USP10: variants seen among roughly 807,000 people sequenced by gnomAD.
USP10 encodes the protein ubiquitin carboxyl-terminal hydrolase 10.
Under a neutral mutation model 84.5 loss-of-function variants are expected in USP10, and 22 were observed. That is an observed-to-expected ratio of 0.26 (90% CI 0.19 to 0.37). The LOEUF is 0.37. Ranked by LOEUF, USP10 falls within the 10% of genes least tolerant of loss-of-function variation. The pLI, the probability that USP10 is intolerant of heterozygous loss-of-function variation, is 1.00. For missense variants in USP10, 1,019 were observed against 998.9 expected (o/e 1.02, Z -0.27); for synonymous variants, 454 against 387.6 (o/e 1.17, Z -2.01).
chr16:84,733,597 A>G (rs1343384424), intron 2 of USP10, 94 bp downstream of exon 2: 44 of 946,896 alleles, frequency 4.6e-5, no homozygotes, highest in Non-Finnish European at 6.5e-5. Context: ...AAGAATTCCA[A>G]TGTAGAGAAA....
intron 4 of USP10, among the ~76,000 whole-genome samples, chr16:84,755,464 C>T (rs1447734106): frequency 6.6e-6 from 1 of 151,980 alleles, no homozygotes; most frequent in Non-Finnish European, 1.5e-5. Flanking sequence ...CCCACTCCTA[C>T]ACGCTGCCCC....
chr16:84,765,637 A>G (rs1428708804), intron 10 of USP10, among the ~76,000 whole-genome samples: 2 of 152,020 alleles, frequency 1.3e-5, no homozygotes, highest in African/African-American at 4.8e-5. Flanking sequence ...TCCCTTGTCT[A>G]TATATACACA....
In USP10 at chr16:84,768,051, G is replaced by T. The variant is rs568010157; in HGVS notation, c.1833-142G>T. On this transcript the variant is annotated intron_variant, in intron 10 of 13. Coordinates refer to ENST00000219473, the MANE Select transcript of USP10 (RefSeq NM_005153.3). ...TTCAGCAGAATTATTTTTAAATTCA[G>T]TATATTTTTGGCTTTTCTCTGTGGT... The T allele has an allele frequency of 2.9e-5, 24 of 818,266 alleles. 1 individual carries two copies. The East Asian group carries it at 6.5e-4, about 22-fold the overall frequency. 50.7% of individuals were successfully genotyped at this position (818,266 alleles called of 1,614,324 possible). A position where few individuals can be genotyped will look rare whatever the true frequency, so the allele number is the denominator to read the frequency against.
intron 9 of USP10, 22 bp downstream of exon 9, chr16:84,763,110 G>T (rs146126424): frequency 6.6e-7 from 1 of 1,523,356 alleles, no homozygotes; most frequent in Non-Finnish European, 9.1e-7. Context: ...TCCACTTGCC[G>T]CAGAGTTGTG....
chr16:84,707,728 G>T (rs2150756387), intron 1 of USP10, among the ~76,000 whole-genome samples: 1 of 152,296 alleles, frequency 6.6e-6, no homozygotes, highest in East Asian at 1.9e-4. Context: ...GGGGATTGTG[G>T]AAGTGCTGCC....
At chr16:84,759,340 G>C in intron 5 of USP10, 23 bp from the exon 6 acceptor site, 3 of 1,607,122 alleles carry the variant, frequency 1.9e-6, no homozygotes, top group Non-Finnish European at 2.6e-6. Context: ...TTTCCTTTAC[G>C]CTTCCTTACT....
In USP10 at chr16:84,744,780, C is replaced by A; in HGVS notation, c.299C>A (p.Thr100Asn). The change falls in exon 4 of 14, where the codon ACC becomes AAC. Residue 100 changes from threonine to asparagine, a missense_variant. Transcript: ENST00000219473. ...CTCGGTTGTACAGCTTCCAAAATAA[C>A]CCCTGATGGTATCACTAAAGAAGCA... is the stretch of plus-strand genomic sequence containing the variant. ...FILGCTASKI[T>N]PDGITKEASY... is the part of the protein sequence containing the mutation. The A allele has an allele frequency of 1.2e-6, 2 of 1,613,696 alleles. No individual in the cohort carries two copies. Among genetic ancestry groups the A allele is most frequent in the East Asian group, 2.2e-5 (1 of 44,884 alleles).
intron 2 of USP10, among the ~76,000 whole-genome samples, chr16:84,734,183 C>G (rs1909602714): frequency 6.6e-6 from 1 of 152,112 alleles, no homozygotes; most frequent in South Asian, 2.1e-4. Context: ...TTTAGTTTCA[C>G]TAGAGACTGC....
Position 84,744,660 on chromosome 16 carries a change from G to A in USP10, c.179G>A (p.Gly60Asp), listed in dbSNP as rs1236527619. 6.2e-7 allele frequency: 1 copy of A among 1,611,052 alleles called. No homozygotes were observed. Reference protein sequence around the residue: ...DGQEYQRIEFGVDEVIEPSDT... With the variant: ...DGQEYQRIEFDVDEVIEPSDT... The stretch of plus-strand genomic sequence containing the variant: ...CAAGAATATCAGAGAATTGAGTTTG[G>A]TGTCGATGAAGTCATTGAACCCAGT... The change falls in exon 4 of 14, where the codon GGT (glycine) becomes GAT (aspartate). Residue 60 changes from glycine (G) to aspartate (D), a missense_variant. This residue lies in a region of USP10 where 787 missense variants were observed against 708.8 expected (regional missense o/e 1.11). Coordinates refer to ENST00000219473, the MANE Select transcript of USP10 (RefSeq NM_005153.3).
rs544454977 is a variant in USP10, at chr16:84,720,878, G to A, written c.22-12557G>A. 1.9e-4 allele frequency among the ~76,000 whole-genome samples: 28 copies of A among 149,438 alleles called. No homozygotes were observed. The South Asian group carries it at 4.9e-3, about 26-fold the overall frequency. ...ATTACAGTCCTGGGCCACCGCGCCC[G>A]GCCAATGATGCACAATTTTTTTTTT... On this transcript the variant is annotated intron_variant, in intron 1 of 13. Coordinates refer to ENST00000219473, the MANE Select transcript of USP10 (RefSeq NM_005153.3).
At chr16:84,723,712 T>G (rs529684494) in intron 1 of USP10, among the ~76,000 whole-genome samples, 3 of 152,262 alleles carry the variant, frequency 2.0e-5, no homozygotes, top group African/African-American at 7.2e-5. Context: ...TCTTGTACTT[T>G]AAAGAAATCA....
intron 10 of USP10, among the ~76,000 whole-genome samples, chr16:84,765,116 G>A (rs1913706597): frequency 6.6e-6 from 1 of 151,082 alleles, no homozygotes; most frequent in African/African-American, 2.4e-5. Flanking sequence ...TTTGGTAAGA[G>A]AAGACAGTGT....
At position 84,702,388 on chromosome 16, in the gene USP10, A is replaced by G. The variant is rs538406317; in HGVS notation, c.21+2277A>G. 3.9e-5 allele frequency among the ~76,000 whole-genome samples: 6 copies of G among 152,148 alleles called. No homozygotes were observed. The South Asian group carries it at 6.2e-4, about 16-fold the overall frequency. On this transcript the variant is annotated intron_variant, in intron 1 of 13. Transcript: ENST00000219473. ...TTCTCATAATTTTCATTTTAAAAGA[A>G]TAGTAATGCAAACAAGTAATGGAAT...
intron 4 of USP10, among the ~76,000 whole-genome samples, chr16:84,750,114 G>A (rs1027783541): frequency 2.6e-5 from 4 of 152,140 alleles, no homozygotes; most frequent in Admixed American, 2.0e-4. Context: ...TCAACAAAAG[G>A]AAACTTAATA....
At position 84,745,419 on chromosome 16, in the gene USP10, A is replaced by C; in HGVS notation, c.938A>C (p.Asp313Ala). The C allele has an allele frequency of 6.2e-7, 1 of 1,613,684 alleles. No homozygotes were observed. The highest frequency in any genetic ancestry group is 8.5e-7 in the Non-Finnish European group (1 of 1,179,686). Residue 313 changes from aspartate (D) to alanine (A), a missense_variant, in exon 4 of 14, where the codon GAC becomes GCC. Asp to Ala is a moderately radical substitution (Grantham distance 126). Around this residue, in one of 2 missense-constraint regions of USP10, gnomAD observed 787 missense variants for 708.8 expected, o/e 1.11. Transcript: ENST00000219473. ...CACACCACGGAAAGCATAGACTTGG[A>C]CCCAACCAAACCCGAGAGTGCATCA... ...ELHTTESIDL[D>A]PTKPESASPP...
chr16:84,774,982 C>A (rs958612239), intron 12 of USP10, among the ~76,000 whole-genome samples, 178 bp from the exon 13 acceptor site: 1 of 152,158 alleles, frequency 6.6e-6, no homozygotes, highest in African/African-American at 2.4e-5. Flanking sequence ...CCTATTACGT[C>A]ACATGGCTCA....
At chr16:84,753,067 G>A (rs147714910) in intron 4 of USP10, among the ~76,000 whole-genome samples, 2 of 152,200 alleles carry the variant, frequency 1.3e-5, no homozygotes, top group African/African-American at 4.8e-5. Context: ...CTCAGGCGCA[G>A]GTGGTCTTCC....
At chr16:84,759,229 G>C (rs372782185) in intron 5 of USP10, 134 bp from the exon 6 acceptor site, 3 of 770,376 alleles carry the variant, frequency 3.9e-6, no homozygotes, top group East Asian at 2.7e-5. Context: ...ATTCCTTTTC[G>C]TGGTGACATA....
In USP10 at chr16:84,776,626, C is replaced by T. The variant is rs1915049454; in HGVS notation, c.2209+1401C>T. 1.3e-5 allele frequency among the ~76,000 whole-genome samples: 2 copies of T among 152,156 alleles called. 1 individual carries two copies. Among genetic ancestry groups the T allele is most frequent in the Non-Finnish European group, 2.9e-5 (2 of 68,024 alleles). On this transcript the variant is annotated intron_variant, in intron 13 of 13. Transcript: ENST00000219473. ...GTGGCCAGCAGTTTCTCCGCCTTCT[C>T]CCTGCACCTCTTCCCCTGGAGGCTC...
Sources: gnomAD v4.1 joint callset for allele counts (sites outside exome capture counted in the v4.1 genomes callset) on GRCh38, gnomAD v4.1.1 for gene constraint, gnomAD v4.1.1 regional missense constraint, MANE v1.5 for transcripts, NCBI Gene and HGNC (gene_info 2026-07-23, HGNC 2026-07-21) for gene names.